Variants in PPP1R9A observed in about 807,000 individuals in gnomAD.
PPP1R9A encodes the protein protein phosphatase 1 regulatory subunit 9A.
PPP1R9A carries 59 observed loss-of-function variants against 141.9 expected under a neutral mutation model. That is an observed-to-expected ratio of 0.42 (90% confidence interval 0.34 to 0.52). PPP1R9A has a LOEUF of 0.52. Among genes scored for constraint, PPP1R9A ranks in the 20% least tolerant of loss-of-function variants. The pLI, the probability that PPP1R9A is intolerant of heterozygous loss-of-function variation, is 0.10. For synonymous variants in PPP1R9A, 500 were observed against 569.7 expected, an observed-to-expected ratio of 0.88 and a Z score of 1.74; for missense variants, 1,444 against 1,611.9, an observed-to-expected ratio of 0.90 and a Z score of 1.78.
In PPP1R9A at chr7:94,911,080, G is replaced by C; in HGVS notation, c.967G>C (p.Glu323Gln). 6.2e-7 allele frequency: 1 copy of C among 1,614,166 alleles called. No homozygotes were observed. The highest frequency in any genetic ancestry group is 1.7e-5 in the Admixed American group (1 of 60,018). ...PDSIDKDGPEEPCAESKAMPK... is the reference protein window; with the variant it reads ...PDSIDKDGPEQPCAESKAMPK... ...CAGCATTGACAAAGATGGTCCTGAA[G>C]AACCTTGTGCTGAAAGTAAGGCAAT... Residue 323 changes from glutamate (E) to glutamine (Q), a missense_variant, in exon 2 of 20, where the codon GAA (glutamate) becomes CAA (glutamine). By Grantham distance (29) the Glu-to-Gln change is conservative (BLOSUM62 2). Around this residue, in one of 5 missense-constraint regions of PPP1R9A, gnomAD observed 490 missense variants for 521.1 expected, o/e 0.94. Transcript: ENST00000433360.
In PPP1R9A at chr7:94,995,486, T is replaced by C. The variant is rs4729168; in HGVS notation, c.1395+83978T>C. On this transcript the variant is annotated intron_variant, in intron 2 of 19. Coordinates refer to ENST00000433360, the MANE Select transcript of PPP1R9A (RefSeq NM_001166160.2). ...CATATTTTACTTGATGCTCTTTTAA[T>C]TTTTTTATTATAAATTTTTTTTTCC... is the stretch of plus-strand genomic sequence containing the variant. Among the ~76,000 whole-genome samples, 582 of 152,072 alleles carry C rather than the reference T, an allele frequency of 3.8e-3. 22 individuals carry two copies. Among genetic ancestry groups the C allele is most frequent in the East Asian group, 0.034 (177 of 5,190 alleles).
At position 95,023,025 on chromosome 7, in the gene PPP1R9A, A is replaced by G. The variant is rs148409542; in HGVS notation, c.1396-88234A>G. On this transcript the variant is annotated intron_variant, in intron 2 of 19. Transcript: ENST00000433360. ...GTTTAGGAGAATTCCCTCTTTTTCT[A>G]TCGTTTGGAATAGTTTCAGAAGGAA... Among the ~76,000 whole-genome samples, 901 of 152,174 alleles carry G rather than the reference A, an allele frequency of 5.9e-3. 8 individuals carry two copies. Among genetic ancestry groups the G allele is most frequent in the African/African-American group, 0.021 (861 of 41,518 alleles).
intron 2 of PPP1R9A, among the ~76,000 whole-genome samples, chr7:95,001,557 C>A (rs1021813717): frequency 6.6e-5 from 10 of 152,124 alleles, no homozygotes; most frequent in African/African-American, 2.4e-4. Context: ...ACAATGTTAT[C>A]CTTTATGAGG....
rs374096980 is a variant in PPP1R9A, at chr7:95,243,696, A to G, written c.2113-3777A>G. Among the ~76,000 whole-genome samples, 29 of 152,216 alleles carry G rather than the reference A, an allele frequency of 1.9e-4. No individual in the cohort carries two copies. In the South Asian group the frequency reaches 2.7e-3, roughly 14 times the overall value. On this transcript the variant is annotated intron_variant, in intron 8 of 19. Transcript: ENST00000433360. ...TCAAATCTGGTTTTGTTTCCGCTCC[A>G]TCACCTGTTTCTAGTGGGAACTTGA...
intron 8 of PPP1R9A, among the ~76,000 whole-genome samples, chr7:95,228,906 A>G (rs570071219): frequency 6.6e-5 from 10 of 152,140 alleles, no homozygotes; most frequent in Non-Finnish European, 1.2e-4. Flanking sequence ...GTATCGAGCT[A>G]TAAGTAACAG....
chr7:95,250,055 G>A lies in PPP1R9A; in HGVS notation c.2196G>A (p.Arg732=). 3 of 1,610,252 alleles carry A rather than the reference G, an allele frequency of 1.9e-6. No homozygotes were observed. Among genetic ancestry groups the A allele is most frequent in the Non-Finnish European group, 2.5e-6 (3 of 1,178,780 alleles). The change falls in exon 10 of 20, where the codon AGG becomes AGA. Residue 732 remains arginine (R), a synonymous_variant. Coordinates refer to ENST00000433360, the MANE Select transcript of PPP1R9A (RefSeq NM_001166160.2). ...AGGCAGCAGAAAATGAGAAAGTGAG[G>A]TGGGAACTAGAAAAAACCCAACTCC... ...KLQAAENEKV[R]WELEKTQLQQ...
intron 5 of PPP1R9A, among the ~76,000 whole-genome samples, chr7:95,170,803 G>T (rs900211677): frequency 4.5e-4 from 68 of 151,464 alleles, no homozygotes; most frequent in Non-Finnish European, 6.8e-4. Context: ...GAAATTATGT[G>T]GGTAAATATA....
intron 2 of PPP1R9A, among the ~76,000 whole-genome samples, chr7:95,080,873 A>G (rs1303101485): frequency 6.6e-6 from 1 of 152,248 alleles, no homozygotes; most frequent in Non-Finnish European, 1.5e-5. Context: ...TCAAAACAGC[A>G]GAGATTTATA....
At chr7:95,134,060 A>G (rs559069675) in intron 4 of PPP1R9A, among the ~76,000 whole-genome samples, 1 of 152,278 alleles carries the variant, frequency 6.6e-6, no homozygotes, top group South Asian at 2.1e-4. Flanking sequence ...AAGACTTGGA[A>G]CCAACCCAAA....
chr7:95,136,451 T>C (rs1018135558), intron 4 of PPP1R9A, among the ~76,000 whole-genome samples: 1 of 152,148 alleles, frequency 6.6e-6, no homozygotes, highest in African/African-American at 2.4e-5. Flanking sequence ...ATAAATAAAA[T>C]GATGCAAGTC....
chr7:95,239,627 TAA>T (rs1367439143), intron 8 of PPP1R9A, among the ~76,000 whole-genome samples: 2 of 152,090 alleles, frequency 1.3e-5, no homozygotes, highest in Non-Finnish European at 2.9e-5. Context: ...TTAACCAATT[TAA>T]GTTTATAATT....
chr7:95,023,933 A>T (rs923692498), intron 2 of PPP1R9A, among the ~76,000 whole-genome samples: 1 of 152,154 alleles, frequency 6.6e-6, no homozygotes, highest in Non-Finnish European at 1.5e-5. Context: ...TAGTGCTATA[A>T]GTTTCTCTCG....
chr7:95,069,297 T>A (rs558670930), intron 2 of PPP1R9A, among the ~76,000 whole-genome samples: 2 of 152,270 alleles, frequency 1.3e-5, no homozygotes, highest in Non-Finnish European at 2.9e-5. Context: ...GGATTACACT[T>A]TGTTATATAA....
chr7:95,049,683 A>G (rs1004181337), intron 2 of PPP1R9A, among the ~76,000 whole-genome samples: 1 of 152,166 alleles, frequency 6.6e-6, no homozygotes, highest in Admixed American at 6.5e-5. Context: ...TGCTCTGCCA[A>G]TTAATCCCTT....
chr7:95,026,900 A>C (rs150192892), intron 2 of PPP1R9A, among the ~76,000 whole-genome samples: 1,933 of 152,008 alleles, frequency 0.013, 21 homozygotes, highest in Middle Eastern at 0.041. Context: ...AAAACCACGT[A>C]CTCAAGCCTC....
intron 4 of PPP1R9A, among the ~76,000 whole-genome samples, chr7:95,160,910 T>C (rs1830383707): frequency 1.3e-5 from 2 of 152,238 alleles, no homozygotes; most frequent in South Asian, 4.1e-4. Flanking sequence ...CCACAGTTTC[T>C]TTATCTCATC....
intron 2 of PPP1R9A, among the ~76,000 whole-genome samples, chr7:94,921,319 C>T (rs947865805): frequency 2.6e-5 from 4 of 151,716 alleles, no homozygotes; most frequent in Non-Finnish European, 2.9e-5. Context: ...TGGTTGCGGG[C>T]GCCTGTAGTC....
rs1316909960 is a variant in PPP1R9A at position 95,290,159 on chromosome 7, T to C, written c.3981T>C (p.Ser1327=). Reference sequence around the variant, plus strand: ...AGAAACTCAAGGAAATGAAGATGTCTCTAGAGAAGGCTCGGAAGGCCCAAG... The same window carrying C: ...AGAAACTCAAGGAAATGAAGATGTCCCTAGAGAAGGCTCGGAAGGCCCAAG... ...VKKKLKEMKM[S]LEKARKAQEK... Residue 1327 remains serine, a synonymous_variant, in exon 20 of 20, where the codon TCT becomes TCC. Transcript: ENST00000433360. 1 of 1,613,950 alleles carries C rather than the reference T, an allele frequency of 6.2e-7. No homozygotes were observed. The highest frequency in any genetic ancestry group is 1.1e-5 in the South Asian group (1 of 91,056).
intron 2 of PPP1R9A, among the ~76,000 whole-genome samples, chr7:95,079,241 C>T (rs1453259094): frequency 6.6e-6 from 1 of 152,156 alleles, no homozygotes; most frequent in African/African-American, 2.4e-5. Context: ...AATAGGGAAT[C>T]CTTTCCCCAT....
Sources: allele counts gnomAD v4.1 joint callset (sites outside exome capture counted in the v4.1 genomes callset), GRCh38; gene constraint gnomAD v4.1.1; regional missense constraint gnomAD v4.1.1; transcripts MANE v1.5; gene names NCBI Gene and HGNC (gene_info 2026-07-23, HGNC 2026-07-21).